Variants in PLD1 observed in about 807,000 individuals in gnomAD.
PLD1 encodes phospholipase D1, also known as choline phosphatase 1.
Under a neutral mutation model 137.1 loss-of-function variants are expected in PLD1, and 112 were observed. The observed-to-expected ratio is 0.82, with a 90% CI of 0.70 to 0.96. PLD1 has a LOEUF of 0.96. PLD1 is among the 40% of genes least tolerant of loss of function. The pLI is 0.00. For synonymous variants in PLD1, 431 were observed against 454.7 expected, an observed-to-expected ratio of 0.95 and a Z score of 0.66; for missense variants, 1,321 against 1,342.0, an observed-to-expected ratio of 0.98 and a Z score of 0.24.
intron 26 of PLD1, among the ~76,000 whole-genome samples, chr3:171,604,665 G>A (rs138417241): frequency 2.4e-4 from 37 of 152,268 alleles, no homozygotes; most frequent in African/African-American, 8.9e-4. Flanking sequence ...AGACTTCACA[G>A]GCAATGCATT....
At chr3:171,642,571 T>C (rs1387322688) in intron 23 of PLD1, among the ~76,000 whole-genome samples, 2 of 151,570 alleles carry the variant, frequency 1.3e-5, no homozygotes, top group Non-Finnish European at 2.9e-5. Context: ...ATAAAGATGA[T>C]TGTTATTATT....
chr3:171,700,826 G>A (rs1578310734), intron 11 of PLD1, among the ~76,000 whole-genome samples: 1 of 152,322 alleles, frequency 6.6e-6, no homozygotes, highest in East Asian at 1.9e-4. Context: ...AGGCAGCTAA[G>A]AGTACAATAG....
chr3:171,707,950 T>G (rs978850538), intron 11 of PLD1, among the ~76,000 whole-genome samples: 1 of 152,226 alleles, frequency 6.6e-6, no homozygotes, highest in Admixed American at 6.5e-5. Context: ...TAAATTATGA[T>G]GATATATTAA....
intron 1 of PLD1, among the ~76,000 whole-genome samples, chr3:171,761,650 G>A (rs778383393): frequency 6.6e-6 from 1 of 152,334 alleles, no homozygotes; most frequent in East Asian, 1.9e-4. Flanking sequence ...GATTTACAGA[G>A]TGGGAAAGTA....
chr3:171,612,541 G>C lies in PLD1; in HGVS notation c.2729-109C>G, dbSNP rs1732750729. ...CAAACAAAACCGTAATTTTGTCCAG[G>C]TTTTCAAGGGAAGATGTGTTTTTAG... On this transcript the variant is annotated intron_variant, in intron 24 of 26. Transcript: ENST00000351298. This position sits in a 1 kb window ranked among gnomAD's most constrained non-coding sequence, Gnocchi z 4.1. 6.7e-6 allele frequency: 7 copies of C among 1,048,476 alleles called. No homozygotes were observed. The highest frequency in any genetic ancestry group is 1.6e-5 in the African/African-American group (1 of 64,134). 64.9% of individuals were successfully genotyped at this position (1,048,476 alleles called of 1,614,324 possible). A position where few individuals can be genotyped will look rare whatever the true frequency, so the allele number is the denominator to read the frequency against.
chr3:171,637,030 T>C lies in PLD1; in HGVS notation c.2593+5810A>G, dbSNP rs183956926. Reference sequence around the variant, plus strand: ...TTTTTCTGTGTCAATGAGATGATTATGTGTGGTTTTTGTCCTTTGTTCTAT... The same window carrying C: ...TTTTTCTGTGTCAATGAGATGATTACGTGTGGTTTTTGTCCTTTGTTCTAT... On this transcript the variant is annotated intron_variant, in intron 23 of 26. Transcript: ENST00000351298. Among the ~76,000 whole-genome samples the C allele has an allele frequency of 4.6e-5, 7 of 152,366 alleles. No homozygotes were observed. In the East Asian group the frequency reaches 5.8e-4, roughly 13 times the overall value.
intron 1 of PLD1, among the ~76,000 whole-genome samples, chr3:171,760,854 G>T (rs552429484): frequency 5.3e-4 from 81 of 152,306 alleles, no homozygotes; most frequent in African/African-American, 1.9e-3. Context: ...TTAAAAGCTA[G>T]TAACAATTGT....
chr3:171,683,076 G>A (rs1315278053), intron 16 of PLD1, among the ~76,000 whole-genome samples: 1 of 152,094 alleles, frequency 6.6e-6, no homozygotes, highest in Non-Finnish European at 1.5e-5. Flanking sequence ...AGTGGCAATT[G>A]TCCTCAAATT....
intron 16 of PLD1, among the ~76,000 whole-genome samples, chr3:171,682,652 T>C (rs900146106): frequency 6.6e-6 from 1 of 152,206 alleles, no homozygotes; most frequent in African/African-American, 2.4e-5. Context: ...ACTTCCTTCA[T>C]TTTTTTAGTA....
chr3:171,699,649 A>C, intron 12 of PLD1, 96 bp downstream of exon 12: 1 of 846,960 alleles, frequency 1.2e-6, no homozygotes, highest in Middle Eastern at 2.3e-4. Context: ...CTCTAAAGTG[A>C]AAAGTTATAC....
At position 171,699,747 on chromosome 3, in the gene PLD1, C is replaced by A; in HGVS notation, c.1225G>T (p.Ala409Ser). The A allele has an allele frequency of 1.9e-6, 3 of 1,609,238 alleles. No individual in the cohort carries two copies. Among genetic ancestry groups the A allele is most frequent in the Non-Finnish European group, 2.6e-6 (3 of 1,175,724 alleles). The change falls in exon 12 of 27, where the codon GCA becomes TCA. Residue 409 changes from alanine (A) to serine (S), a missense_variant and splice_region_variant. Physicochemically the swap from Ala to Ser is moderately conservative, Grantham distance 99. Coordinates refer to ENST00000351298, the MANE Select transcript of PLD1 (RefSeq NM_002662.5). ...WRLDCILKRK[A>S]QQGVRIFIML... is the part of the protein sequence containing the mutation. ...GCATTTTCTGGGAAAGTACATACTG[C>A]TTTTCGTTTAAGAATGCAGTCCAAC...
chr3:171,702,418 G>T (rs1184854061), intron 11 of PLD1, among the ~76,000 whole-genome samples: 1 of 151,580 alleles, frequency 6.6e-6, no homozygotes, highest in Non-Finnish European at 1.5e-5. Context: ...AACCTAGAAG[G>T]TTGAAGCTGC....
intron 18 of PLD1, 115 bp from the exon 19 acceptor site, chr3:171,674,728 A>G: frequency 3.7e-6 from 2 of 547,436 alleles, no homozygotes; most frequent in Non-Finnish European, 6.6e-6. Flanking sequence ...CTGTAATCCC[A>G]GCACTTTGGG....
chr3:171,631,929 C>T (rs184111741), intron 23 of PLD1, among the ~76,000 whole-genome samples: 165 of 152,178 alleles, frequency 1.1e-3, no homozygotes, highest in African/African-American at 3.6e-3. Flanking sequence ...GAATAATTAA[C>T]GCATGCTAAA....
intron 16 of PLD1, among the ~76,000 whole-genome samples, chr3:171,681,347 T>C (rs752978823): frequency 9.8e-5 from 15 of 152,334 alleles, no homozygotes; most frequent in Admixed American, 3.3e-4. Flanking sequence ...TCCAGAACTT[T>C]CTGATTTCTG....
chr3:171,607,289 G>C (rs1732291681), intron 25 of PLD1, among the ~76,000 whole-genome samples: 1 of 152,172 alleles, frequency 6.6e-6, no homozygotes, highest in Admixed American at 6.5e-5. Context: ...GTGAATGACA[G>C]TACAAATGAT....
chr3:171,731,427 C>T (rs542101566), intron 6 of PLD1, among the ~76,000 whole-genome samples: 3 of 152,070 alleles, frequency 2.0e-5, no homozygotes, highest in Non-Finnish European at 2.9e-5. Context: ...AAATTGTATC[C>T]TATGCTTGAA....
chr3:171,702,268 A>G (rs1030589811), intron 11 of PLD1, among the ~76,000 whole-genome samples: 2 of 152,148 alleles, frequency 1.3e-5, no homozygotes, highest in Non-Finnish European at 2.9e-5. Flanking sequence ...GGAGGATTGC[A>G]TAAGCCCAGG....
At chr3:171,753,902 C>T (rs559182530) in intron 1 of PLD1, among the ~76,000 whole-genome samples, 30 of 152,296 alleles carry the variant, frequency 2.0e-4, no homozygotes, top group Admixed American at 6.5e-4. Flanking sequence ...CTGAACCAAA[C>T]ATGCTCCATG....
Sources: gnomAD v4.1 joint callset for allele counts (sites outside exome capture counted in the v4.1 genomes callset) on GRCh38, gnomAD v4.1.1 for gene constraint, Gnocchi (gnomAD v3.1) non-coding constraint, MANE v1.5 for transcripts, NCBI Gene and HGNC (gene_info 2026-07-23, HGNC 2026-07-21) for gene names.